FAT1: variants seen among roughly 807,000 people sequenced by gnomAD.
The protein encoded by FAT1 is FAT atypical cadherin 1, also known as protocadherin Fat 1.
In FAT1, 171 loss-of-function variants were observed where a neutral mutation model predicts 329.8. The ratio of observed to expected loss-of-function variants is 0.52; its 90% CI spans 0.46 to 0.59. The LOEUF (loss-of-function observed/expected upper bound fraction) is 0.59. Ranked by LOEUF, FAT1 falls within the 20% of genes least tolerant of loss-of-function variation. FAT1 has a pLI of 0.00. For missense variants in FAT1, 5,672 were observed against 5,774.4 expected (o/e 0.98, Z 0.57); for synonymous variants, 2,233 against 2,228.6 (o/e 1.00, Z -0.06).
At chr4:186,715,478 A>T (rs1421699282) in intron 1 of FAT1, among the ~76,000 whole-genome samples, 1 of 152,242 alleles carries the variant, frequency 6.6e-6, no homozygotes, top group Non-Finnish European at 1.5e-5. Flanking sequence ...TTTGGAAGAC[A>T]TTGTTAACCG....
At chr4:186,641,587 A>G (rs2126575137) in intron 3 of FAT1, among the ~76,000 whole-genome samples, 1 of 152,292 alleles carries the variant, frequency 6.6e-6, no homozygotes, top group Non-Finnish European at 1.5e-5. Flanking sequence ...TCTTCTGCAG[A>G]GCACTTAATC....
rs781585963 is a variant in FAT1, at chr4:186,619,424, G to A, written c.7162C>T (p.Pro2388Ser). Residue 2388 changes from proline (P) to serine (S), a missense_variant, in exon 10 of 27, where the codon CCA (proline) becomes TCA (serine). Physicochemically the swap from Pro to Ser is moderately conservative, Grantham distance 74. Coordinates refer to ENST00000441802, the MANE Select transcript of FAT1 (RefSeq NM_005245.4). ...VDVTDLNDNP[P>S]LFEQQIYEAR... ...TCATAAATCTGTTGTTCAAAGAGTG[G>A]TGGATTATCATTGAGGTCGGTAACG... The A allele has an allele frequency of 1.9e-6, 3 of 1,613,890 alleles. No individual in the cohort carries two copies. The East Asian group carries it at 6.7e-5, about 36-fold the overall frequency.
chr4:186,716,736 G>C (rs1319716625), intron 1 of FAT1, among the ~76,000 whole-genome samples: 1 of 152,184 alleles, frequency 6.6e-6, no homozygotes, highest in African/African-American at 2.4e-5. Flanking sequence ...CATTTTCAAA[G>C]CAGGATCATG....
rs1740013340 is a variant in FAT1 at position 186,620,951 on chromosome 4, A to T, written c.5635T>A (p.Phe1879Ile). 6.2e-7 allele frequency: 1 copy of T among 1,613,938 alleles called. No individual in the cohort carries two copies. The highest frequency in any genetic ancestry group is 2.2e-5 in the East Asian group (1 of 44,888). The change falls in exon 10 of 27, where the codon TTT (phenylalanine) becomes ATT (isoleucine). Residue 1879 changes from phenylalanine to isoleucine, a missense_variant. Physicochemically the swap from Phe to Ile is conservative, Grantham distance 21. Transcript: ENST00000441802. ...GATGCTTCATATAATGGCTTGGCAA[A>T]CACAGGGGGGCAGTCATTAATGTCA... Reference protein sequence around the residue: ...VIDINDCPPVFAKPLYEASLL... With the variant: ...VIDINDCPPVIAKPLYEASLL...
intron 2 of FAT1, among the ~76,000 whole-genome samples, chr4:186,690,094 G>T (rs957605944): frequency 1.1e-4 from 17 of 152,036 alleles, no homozygotes; most frequent in African/African-American, 3.9e-4. Context: ...ACTGCATTGC[G>T]TTACAGAAAA....
At chr4:186,725,234 A>C (rs1449685229), upstream of FAT1, among the ~76,000 whole-genome samples, 2 of 152,180 alleles carry the variant, frequency 1.3e-5, no homozygotes, top group African/African-American at 4.8e-5. The surrounding 1 kb of genome is among the most constrained non-coding windows in gnomAD (Gnocchi z 5.4). Context: ...CTGATCTCCA[A>C]GCCCAACCGG....
chr4:186,671,423 C>A (rs62350426), intron 2 of FAT1, among the ~76,000 whole-genome samples: 5,299 of 152,202 alleles, frequency 0.035, 148 homozygotes, highest in Middle Eastern at 0.071. Flanking sequence ...CTGGGCCGGG[C>A]ATGGTGGCTC....
chr4:186,601,302 C>T lies in FAT1; in HGVS notation c.11607G>A (p.Met3869Ile), dbSNP rs2126418228. The change falls in exon 21 of 27, where the codon ATG becomes ATA. Residue 3869 changes from methionine to isoleucine, a missense_variant. Physicochemically the swap from Met to Ile is conservative, Grantham distance 10. Around this residue, in one of 2 missense-constraint regions of FAT1, gnomAD observed 1,706 missense variants for 1,859.1 expected, o/e 0.92. Coordinates refer to ENST00000441802, the MANE Select transcript of FAT1 (RefSeq NM_005245.4). ...TGCTATAGTCAGTTCCTCGAGCATA[C>T]ATGACAACCGCATGCGTGGAATATG... ...LRTYSTHAVV[M>I]YARGTDYSIL... 1.2e-6 allele frequency: 2 copies of T among 1,610,014 alleles called. No homozygotes were observed. Among genetic ancestry groups the T allele is most frequent in the Non-Finnish European group, 1.7e-6 (2 of 1,176,712 alleles).
At position 186,589,225 on chromosome 4, in the gene FAT1, G is replaced by A. The variant is rs1284523824; in HGVS notation, c.13139-5C>T. ...CTGATGTATCCCAGTGATACCCTTG[G>A]TGGAAAAGAAAACAGATGTCAGTGT... is the stretch of plus-strand genomic sequence containing the variant. On this transcript the variant is annotated splice_polypyrimidine_tract_variant and splice_region_variant and intron_variant, in intron 26 of 26. Transcript: ENST00000441802. 1.3e-6 allele frequency: 2 copies of A among 1,593,406 alleles called. No individual in the cohort carries two copies. Among genetic ancestry groups the A allele is most frequent in the South Asian group, 2.3e-5 (2 of 87,688 alleles).
intron 2 of FAT1, among the ~76,000 whole-genome samples, chr4:186,681,220 T>C (rs1443104350): frequency 2.0e-5 from 3 of 152,228 alleles, no homozygotes; most frequent in Non-Finnish European, 4.4e-5. Flanking sequence ...ACTTTGGCAA[T>C]TTATTATACC....
chr4:186,634,264 A>G (rs1246809727), intron 6 of FAT1, among the ~76,000 whole-genome samples: 1 of 152,236 alleles, frequency 6.6e-6, no homozygotes, highest in Non-Finnish European at 1.5e-5. Context: ...TCTAAAAAAA[A>G]TAGCGGTCGT....
At chr4:186,695,940 C>T (rs1744010985) in intron 2 of FAT1, among the ~76,000 whole-genome samples, 6 of 152,036 alleles carry the variant, frequency 3.9e-5, no homozygotes, top group African/African-American at 2.4e-5. Flanking sequence ...TACAGGTGTG[C>T]GCCACTAGGC....
rs1186176635 is a variant in FAT1, at chr4:186,708,043, A to T, written c.1785T>A (p.Asp595Glu). 6.2e-7 allele frequency: 1 copy of T among 1,613,890 alleles called. No individual in the cohort carries two copies. Among genetic ancestry groups the T allele is most frequent in the African/African-American group, 1.3e-5 (1 of 74,924 alleles). The change falls in exon 2 of 27, where the codon GAT (aspartate) becomes GAA (glutamate). Residue 595 changes from aspartate to glutamate, a missense_variant. Asp to Glu is a conservative substitution (Grantham distance 45). This residue lies in a region of FAT1 where 3,966 missense variants were observed against 3,915.2 expected (regional missense o/e 1.01). Transcript: ENST00000441802. ...GEQITTVSAI[D>E]ADELQLVQYQ... ...ACTGTACCAACTGAAGTTCATCTGC[A>T]TCAATAGCAGAAACAGTGGTTATTT...
At chr4:186,682,710 G>C (rs942968915) in intron 2 of FAT1, among the ~76,000 whole-genome samples, 1 of 152,134 alleles carries the variant, frequency 6.6e-6, no homozygotes, top group Non-Finnish European at 1.5e-5. Flanking sequence ...TGTTAGCAAA[G>C]AGGACACTGG....
In FAT1 at chr4:186,708,869, A is replaced by G. The variant is rs1486519552; in HGVS notation, c.959T>C (p.Ile320Thr). Residue 320 changes from isoleucine to threonine, a missense_variant, in exon 2 of 27, where the codon ATC becomes ACC. Physicochemically the swap from Ile to Thr is moderately conservative, Grantham distance 89. Coordinates refer to ENST00000441802, the MANE Select transcript of FAT1 (RefSeq NM_005245.4). ...PGSKEYKVKA[I>T]GGIDWDSHPF... ...ATGACTGTCCCAATCAATGCCACCG[A>G]TGGCTTTGACTTTATACTCCTTACT... 1 of 1,613,934 alleles carries G rather than the reference A, an allele frequency of 6.2e-7. No homozygotes were observed.
intron 3 of FAT1, among the ~76,000 whole-genome samples, chr4:186,658,194 C>A (rs956619656): frequency 6.6e-6 from 1 of 152,182 alleles, no homozygotes. Flanking sequence ...AGAATGGATG[C>A]GGTCTTTCAC....
intron 11 of FAT1, 54 bp from the exon 12 acceptor site, chr4:186,614,398 ACAT>A: frequency 8.6e-7 from 1 of 1,161,400 alleles, no homozygotes; most frequent in Non-Finnish European, 1.2e-6. Flanking sequence ...GGCAGCACAA[ACAT>A]CAAGGGAATA....
intron 4 of FAT1, among the ~76,000 whole-genome samples, chr4:186,639,452 CT>C (rs1244964934): frequency 2.0e-5 from 3 of 152,238 alleles, no homozygotes; most frequent in Admixed American, 2.0e-4. Context: ...TGTTCGCCCC[CT>C]GTGTGTGCGC....
intron 1 of FAT1, among the ~76,000 whole-genome samples, chr4:186,711,151 C>A (rs989508731): frequency 6.6e-6 from 1 of 152,102 alleles, no homozygotes; most frequent in Non-Finnish European, 1.5e-5. Flanking sequence ...GAAATTGGTA[C>A]GACAACATTA....
Sources: gnomAD v4.1 joint callset for allele counts (sites outside exome capture counted in the v4.1 genomes callset) on GRCh38, gnomAD v4.1.1 for gene constraint, gnomAD v4.1.1 regional missense constraint, Gnocchi (gnomAD v3.1) non-coding constraint, MANE v1.5 for transcripts, NCBI Gene and HGNC (gene_info 2026-07-23, HGNC 2026-07-21) for gene names.